LIN28B: variants seen among roughly 807,000 people sequenced by gnomAD.
LIN28B encodes the protein lin-28 RNA binding posttranscriptional regulator B, also known as protein lin-28 homolog B.
In LIN28B, 5 loss-of-function variants were observed where a neutral mutation model predicts 21.9. The ratio of observed to expected loss-of-function variants is 0.23; its 90% CI spans 0.12 to 0.48. The LOEUF (loss-of-function observed/expected upper bound fraction) is 0.48, where lower values mean the gene tolerates loss of function less well. LIN28B is among the 20% of genes least tolerant of loss of function. The pLI is 0.98. For synonymous variants in LIN28B, 109 were observed against 111.3 expected (o/e 0.98, Z 0.13); for missense variants, 245 against 310.5 (o/e 0.79, Z 1.58).
At position 105,068,763 on chromosome 6, in the gene LIN28B, G is replaced by A. The variant is rs1772269524; in HGVS notation, c.384-9651G>A. On this transcript the variant is annotated intron_variant, in intron 3 of 3. Transcript: ENST00000345080. ...CTTTTATGGACTTCCTTTTCTTTAG[G>A]TATGGAAAACAGTGAGCAGTAGTTA... Among the ~76,000 whole-genome samples, 4 of 152,030 alleles carry A rather than the reference G, an allele frequency of 2.6e-5. No individual in the cohort carries two copies. The South Asian group carries it at 8.3e-4, about 32-fold the overall frequency.
At chr6:104,985,378 A>G (rs189076667) in intron 2 of LIN28B, among the ~76,000 whole-genome samples, 11 of 152,354 alleles carry the variant, frequency 7.2e-5, no homozygotes, top group Admixed American at 7.2e-4. Flanking sequence ...ACCTAAATAT[A>G]GTAAACTGGG....
chr6:104,957,091 G>A, upstream of LIN28B: 1 of 1,532,008 alleles, frequency 6.5e-7, no homozygotes, highest in South Asian at 1.2e-5. Flanking sequence ...AAACTGGAGA[G>A]AGGAGAGAAA....
intron 2 of LIN28B, among the ~76,000 whole-genome samples, chr6:104,995,625 A>G (rs182170106): frequency 1.3e-5 from 2 of 152,308 alleles, no homozygotes; most frequent in Admixed American, 1.3e-4. Flanking sequence ...AACTTAGCAA[A>G]GTACCAGTAA....
chr6:105,060,467 A>G (rs1380147166), intron 3 of LIN28B, among the ~76,000 whole-genome samples: 3 of 152,076 alleles, frequency 2.0e-5, no homozygotes, highest in Non-Finnish European at 4.4e-5. Context: ...CATTTATATT[A>G]TCCACAGTAA....
chr6:104,973,902 A>G (rs1770028516), intron 2 of LIN28B, among the ~76,000 whole-genome samples: 1 of 152,210 alleles, frequency 6.6e-6, no homozygotes, highest in African/African-American at 2.4e-5. Context: ...GTTCTTAACA[A>G]GAGCATTGGA....
chr6:104,991,902 T>TG (rs1454559125), intron 2 of LIN28B, among the ~76,000 whole-genome samples: 1 of 151,502 alleles, frequency 6.6e-6, no homozygotes, highest in Non-Finnish European at 1.5e-5. Context: ...TCGCAGGCAC[T>TG]CGCAGGCTGA....
At chr6:105,012,228 G>A (rs1274874277) in intron 2 of LIN28B, among the ~76,000 whole-genome samples, 1 of 151,796 alleles carries the variant, frequency 6.6e-6, no homozygotes, top group African/African-American at 2.4e-5. Flanking sequence ...AGCACTTTGG[G>A]AGGCTGAGGC....
In LIN28B at chr6:104,979,191, T is replaced by C. The variant is rs893450254; in HGVS notation, c.198+20905T>C. Among the ~76,000 whole-genome samples the C allele has an allele frequency of 7.2e-5, 11 of 151,752 alleles. No individual in the cohort carries two copies. The East Asian group carries it at 2.1e-3, about 29-fold the overall frequency. On this transcript the variant is annotated intron_variant, in intron 2 of 3. Transcript: ENST00000345080. ...TTGGAGAAAAAGAATATAAAGATGA[T>C]TTTTATTTTTATTTTTTAATTTAAT... is the stretch of plus-strand genomic sequence containing the variant.
chr6:105,055,190 A>G, intron 3 of LIN28B, among the ~76,000 whole-genome samples: 1 of 152,190 alleles, frequency 6.6e-6, no homozygotes, highest in Non-Finnish European at 1.5e-5. Context: ...TTGATCCACA[A>G]TGTTTTTCAT....
At chr6:105,024,046 G>A (rs539056224) in intron 2 of LIN28B, among the ~76,000 whole-genome samples, 3 of 151,896 alleles carry the variant, frequency 2.0e-5, no homozygotes, top group South Asian at 2.1e-4. Flanking sequence ...GCAGTGACAC[G>A]ATCTCGATCT....
intron 2 of LIN28B, among the ~76,000 whole-genome samples, chr6:104,947,770 CTTT>C (rs59977710): frequency 2.2e-5 from 3 of 135,190 alleles, no homozygotes; most frequent in African/African-American, 2.7e-5. Context: ...ATTTTGCGTA[CTTT>C]TTTTTTTTTT....
chr6:105,007,580 A>G (rs1326376490), intron 2 of LIN28B, among the ~76,000 whole-genome samples: 2 of 150,882 alleles, frequency 1.3e-5, no homozygotes, highest in African/African-American at 4.9e-5. Flanking sequence ...GCTGGAGTGC[A>G]GTAATGTGAT....
chr6:105,036,859 T>C (rs1582910197), intron 3 of LIN28B, among the ~76,000 whole-genome samples: 1 of 152,256 alleles, frequency 6.6e-6, no homozygotes, highest in Non-Finnish European at 1.5e-5. Flanking sequence ...AGATCATATA[T>C]TTATTGTATG....
chr6:105,057,876 G>C (rs1247776814), intron 3 of LIN28B, among the ~76,000 whole-genome samples: 1 of 152,122 alleles, frequency 6.6e-6, no homozygotes, highest in Non-Finnish European at 1.5e-5. Flanking sequence ...TGACCTAGTA[G>C]TGTTAAGAAG....
chr6:105,042,331 T>C (rs1562103219), intron 3 of LIN28B, among the ~76,000 whole-genome samples: 1 of 152,078 alleles, frequency 6.6e-6, no homozygotes, highest in Non-Finnish European at 1.5e-5. Flanking sequence ...TGTACTATAA[T>C]CTAAGTTGAT....
At chr6:105,070,322 A>G (rs1207792135) in intron 3 of LIN28B, among the ~76,000 whole-genome samples, 1 of 152,190 alleles carries the variant, frequency 6.6e-6, no homozygotes, top group Non-Finnish European at 1.5e-5. Flanking sequence ...ACTAACAATA[A>G]TAATGAAGGT....
In LIN28B at chr6:104,958,089, T is replaced by G. The variant is rs985784998; in HGVS notation, c.11-10T>G. The stretch of plus-strand genomic sequence containing the variant: ...ATACAGACTGACTTTTTTGTCCTGT[T>G]CCTTCTCAGGCGGGGCTAGCAAAGG... On this transcript the variant is annotated splice_polypyrimidine_tract_variant and intron_variant, in intron 1 of 3. Transcript: ENST00000345080. 1 of 1,558,422 alleles carries G rather than the reference T, an allele frequency of 6.4e-7. No homozygotes were observed. The highest frequency in any genetic ancestry group is 8.8e-7 in the Non-Finnish European group (1 of 1,142,620).
At chr6:105,036,746 GA>G (rs1392166221) in intron 3 of LIN28B, among the ~76,000 whole-genome samples, 1 of 152,064 alleles carries the variant, frequency 6.6e-6, no homozygotes, top group Non-Finnish European at 1.5e-5. Context: ...AATGCCTACA[GA>G]AAAAAAGTTC....
intron 2 of LIN28B, among the ~76,000 whole-genome samples, chr6:104,981,077 G>A (rs1419714754): frequency 6.6e-6 from 1 of 152,156 alleles, no homozygotes; most frequent in Non-Finnish European, 1.5e-5. Flanking sequence ...AATAAAGGAT[G>A]CAGGACATAG....
Sources: allele counts gnomAD v4.1 joint callset (sites outside exome capture counted in the v4.1 genomes callset), GRCh38; gene constraint gnomAD v4.1.1; transcripts MANE v1.5; gene names NCBI Gene and HGNC (gene_info 2026-07-23, HGNC 2026-07-21).